The following AFF3 variants were observed in gnomAD, a reference collection of about 807,000 sequenced individuals.
The protein encoded by AFF3 is ALF transcription elongation factor 3.
A neutral mutation model predicts 129.7 loss-of-function variants in AFF3; 32 were observed. The ratio of observed to expected loss-of-function variants is 0.25; its 90% CI spans 0.19 to 0.33. The LOEUF (loss-of-function observed/expected upper bound fraction) is 0.33, where lower values mean the gene tolerates loss of function less well. Ranked by LOEUF, AFF3 falls within the 10% of genes least tolerant of loss-of-function variation. The probability of loss-of-function intolerance (pLI) is 1.00; values close to 1 mark genes in which losing one functional copy is unlikely to be tolerated. For missense variants in AFF3, 1,373 were observed against 1,592.0 expected (o/e 0.86, Z 2.34); for synonymous variants, 644 against 635.4 (o/e 1.01, Z -0.20).
intron 7 of AFF3, among the ~76,000 whole-genome samples, chr2:99,872,650 T>TAAAATAAAATAAAATA (rs1385258881): frequency 8.2e-6 from 1 of 121,730 alleles, no homozygotes; most frequent in African/African-American, 3.9e-5. Flanking sequence ...AAAATAAAAT[T>TAAAATAAAATAAAATA]TATCGGTCTA....
intron 13 of AFF3, among the ~76,000 whole-genome samples, chr2:99,612,709 G>T (rs964319329): frequency 6.6e-6 from 1 of 152,194 alleles, no homozygotes; most frequent in African/African-American, 2.4e-5. Flanking sequence ...GCTCAAGATT[G>T]AGTTAGAGCC....
At chr2:99,686,485 A>G (rs981793361) in intron 11 of AFF3, among the ~76,000 whole-genome samples, 3 of 152,178 alleles carry the variant, frequency 2.0e-5, no homozygotes, top group Admixed American at 2.0e-4. Context: ...CCTACTTGCT[A>G]AAGTGTTTCT....
intron 7 of AFF3, among the ~76,000 whole-genome samples, chr2:100,000,724 A>G (rs1372074686): frequency 2.0e-5 from 3 of 152,132 alleles, no homozygotes; most frequent in Non-Finnish European, 2.9e-5. Context: ...AGCAGGTATC[A>G]TTATCATGTT....
intron 16 of AFF3, among the ~76,000 whole-genome samples, chr2:99,583,429 CT>C (rs1303748181): frequency 6.6e-6 from 1 of 152,216 alleles, no homozygotes; most frequent in African/African-American, 2.4e-5. Context: ...GCTGCCCAGG[CT>C]GGAGAGCAGT....
At chr2:99,882,768 C>T (rs1445427207) in intron 7 of AFF3, among the ~76,000 whole-genome samples, 1 of 152,216 alleles carries the variant, frequency 6.6e-6, no homozygotes, top group Non-Finnish European at 1.5e-5. Context: ...AGGCTGTCGT[C>T]ATGACAGTTG....
chr2:99,906,487 C>G (rs768297691), intron 7 of AFF3, among the ~76,000 whole-genome samples: 5 of 152,070 alleles, frequency 3.3e-5, no homozygotes, highest in African/African-American at 1.2e-4. Context: ...GTCATTCAAT[C>G]AAACAGAAAG....
At chr2:100,045,134 G>T (rs1022333994) in intron 4 of AFF3, among the ~76,000 whole-genome samples, 2 of 152,064 alleles carry the variant, frequency 1.3e-5, no homozygotes, top group Non-Finnish European at 2.9e-5. Flanking sequence ...AGGGGAGGGG[G>T]ACTGGCCATG....
At chr2:99,752,834 G>T (rs1381080117) in intron 8 of AFF3, among the ~76,000 whole-genome samples, 1 of 152,184 alleles carries the variant, frequency 6.6e-6, no homozygotes, top group Non-Finnish European at 1.5e-5. Flanking sequence ...ATGAAATACA[G>T]AGACAGAATG....
rs947276709 is a variant in AFF3, at chr2:100,017,576, T to C, written c.54-8644A>G. On this transcript the variant is annotated intron_variant, in intron 4 of 24. Coordinates refer to ENST00000672756, the MANE Select transcript of AFF3 (RefSeq NM_001386135.1). ...GGAGTCACAAAGTCACAAAGACCCA[T>C]AGACAAGTTTAAACCACAGTCACCC... is the stretch of plus-strand genomic sequence containing the variant. Among the ~76,000 whole-genome samples the C allele has an allele frequency of 2.0e-5, 3 of 152,212 alleles. No individual in the cohort carries two copies. The East Asian group carries it at 5.8e-4, about 29-fold the overall frequency.
At position 99,947,601 on chromosome 2, in the gene AFF3, AAGATAGATAGATAGATAGAT is replaced by A. The variant is rs70940190; in HGVS notation, c.873+59011_873+59030del. On this transcript the variant is annotated intron_variant, in intron 7 of 24. Coordinates refer to ENST00000672756, the MANE Select transcript of AFF3 (RefSeq NM_001386135.1). The stretch of plus-strand genomic sequence containing the variant: ...AAGAAAAGAAAGAAAGAAAGAAAGA[AAGATAGATAGATAGATAGAT>A]AGATAGATAGATAGATAGATAGATA... Among the ~76,000 whole-genome samples, 138 of 136,598 alleles carry A rather than the reference AAGATAGATAGATAGATAGAT, an allele frequency of 1.0e-3. 3 individuals carry two copies. Among genetic ancestry groups the A allele is most frequent in the South Asian group, 9.3e-3 (39 of 4,184 alleles). The allele number at this position is 136,598 out of a possible 152,430, so 89.6% of individuals were successfully genotyped here. A position where few individuals can be genotyped will look rare whatever the true frequency, so the allele number is the denominator to read the frequency against.
intron 4 of AFF3, among the ~76,000 whole-genome samples, chr2:100,070,358 T>C (rs1292505549): frequency 6.6e-6 from 1 of 152,232 alleles, no homozygotes; most frequent in Non-Finnish European, 1.5e-5. Flanking sequence ...GAAACCATCG[T>C]TGCTATAATT....
Position 99,581,757 on chromosome 2 carries a change from T to A in AFF3, c.2793+1041A>T, listed in dbSNP as rs541437733. ...GAAGTAACTAATGTTCCTGAAAGGA[T>A]GAGTGGTCCAGGACCACTGGCTGTT... On this transcript the variant is annotated intron_variant, in intron 17 of 24. Transcript: ENST00000672756. Among the ~76,000 whole-genome samples the A allele has an allele frequency of 9.2e-5, 14 of 151,806 alleles. No individual in the cohort carries two copies. In the South Asian group the frequency reaches 2.9e-3, roughly 32 times the overall value.
At chr2:99,864,559 G>T (rs1278854086) in intron 7 of AFF3, among the ~76,000 whole-genome samples, 1 of 152,134 alleles carries the variant, frequency 6.6e-6, no homozygotes, top group Non-Finnish European at 1.5e-5. Flanking sequence ...TCATGAAAAG[G>T]CCTCATGACC....
chr2:99,642,767 G>A (rs1416510415), intron 13 of AFF3, among the ~76,000 whole-genome samples: 1 of 152,176 alleles, frequency 6.6e-6, no homozygotes, highest in Non-Finnish European at 1.5e-5. Flanking sequence ...AGGGACCTGG[G>A]ATCTAGTCCT....
intron 8 of AFF3, among the ~76,000 whole-genome samples, chr2:99,792,258 G>C (rs62147565): frequency 0.72 from 109,456 of 152,034 alleles, 40,977 homozygotes; most frequent in South Asian, 0.9. Context: ...AGGATCACTC[G>C]AAGCCAGGAG....
chr2:99,558,203 A>T (rs1675128113), intron 22 of AFF3, among the ~76,000 whole-genome samples: 1 of 152,230 alleles, frequency 6.6e-6, no homozygotes, highest in Non-Finnish European at 1.5e-5. Context: ...GAATGGCTCT[A>T]AGGGGTTACT....
chr2:100,001,615 C>T (rs1203634177), intron 7 of AFF3, among the ~76,000 whole-genome samples: 1 of 152,082 alleles, frequency 6.6e-6, no homozygotes, highest in East Asian at 1.9e-4. Flanking sequence ...TTTTAGTAGA[C>T]ACGAGGTTTA....
At chr2:99,715,674 CTTTT>C (rs35307881) in intron 11 of AFF3, among the ~76,000 whole-genome samples, 2 of 136,132 alleles carry the variant, frequency 1.5e-5, no homozygotes. Flanking sequence ...CATTTCAAAT[CTTTT>C]TTTTTTTTTT....
intron 8 of AFF3, among the ~76,000 whole-genome samples, chr2:99,766,160 G>C (rs981565157): frequency 7.2e-5 from 11 of 152,196 alleles, no homozygotes; most frequent in Non-Finnish European, 1.3e-4. Flanking sequence ...GACAAGCCTG[G>C]GCAAGAATAA....
Sources: gnomAD v4.1 joint callset for allele counts (sites outside exome capture counted in the v4.1 genomes callset) on GRCh38, gnomAD v4.1.1 for gene constraint, MANE v1.5 for transcripts, NCBI Gene and HGNC (gene_info 2026-07-23, HGNC 2026-07-21) for gene names.